The following CTNNA3 variants were observed in gnomAD, a reference collection of about 807,000 sequenced individuals.
CTNNA3 encodes the protein catenin alpha-3.
CTNNA3 carries 76 observed loss-of-function variants against 95.7 expected under a neutral mutation model. That is an observed-to-expected ratio of 0.79 (90% CI 0.66 to 0.96). The LOEUF (loss-of-function observed/expected upper bound fraction) is 0.96. Ranked by LOEUF, CTNNA3 falls within the 40% of genes least tolerant of loss-of-function variation. The pLI, the probability that CTNNA3 is intolerant of heterozygous loss-of-function variation, is 0.00. For missense variants in CTNNA3, 1,191 were observed against 1,089.8 expected (o/e 1.09, Z -1.31); for synonymous variants, 431 against 374.4 (o/e 1.15, Z -1.74).
At chr10:67,038,815 A>T (rs565129104) in intron 7 of CTNNA3, among the ~76,000 whole-genome samples, 118 of 152,208 alleles carry the variant, frequency 7.8e-4, no homozygotes, top group Middle Eastern at 3.4e-3. Context: ...TAAAATCTTT[A>T]AAAGTAAATG....
intron 12 of CTNNA3, among the ~76,000 whole-genome samples, chr10:66,354,786 C>T (rs907210563): frequency 6.6e-5 from 10 of 151,968 alleles, no homozygotes; most frequent in African/African-American, 2.4e-4. Context: ...ACTGTGAGCT[C>T]CTGAAGAATA....
chr10:66,665,489 CTTT>C (rs1489510788), intron 9 of CTNNA3, among the ~76,000 whole-genome samples: 5 of 152,124 alleles, frequency 3.3e-5, no homozygotes, highest in Non-Finnish European at 5.9e-5. Flanking sequence ...TCTTTGTATT[CTTT>C]TTTATTTCAG....
At chr10:66,031,861 A>C (rs2079454837) in intron 15 of CTNNA3, among the ~76,000 whole-genome samples, 1 of 152,206 alleles carries the variant, frequency 6.6e-6, no homozygotes, top group Non-Finnish European at 1.5e-5. Flanking sequence ...ACAAATTAGG[A>C]GTCCAGATGA....
At chr10:66,377,204 T>C (rs1156632723) in intron 12 of CTNNA3, among the ~76,000 whole-genome samples, 1 of 152,118 alleles carries the variant, frequency 6.6e-6, no homozygotes, top group Non-Finnish European at 1.5e-5. Flanking sequence ...TGGGACATCA[T>C]AAACTATACC....
At chr10:66,571,147 T>C (rs1377618596) in intron 10 of CTNNA3, among the ~76,000 whole-genome samples, 1 of 152,210 alleles carries the variant, frequency 6.6e-6, no homozygotes, top group Non-Finnish European at 1.5e-5. Flanking sequence ...CTTTCCATTA[T>C]TTCTAGACGG....
At chr10:66,543,907 GTGTGTATATATATATA>G (rs771140573) in intron 10 of CTNNA3, among the ~76,000 whole-genome samples, 4,298 of 28,986 alleles carry the variant, frequency 0.15, 150 homozygotes, top group Non-Finnish European at 0.19. Context: ...AGATGTGTGT[GTGTGTATATATATATA>G]TATATATATA....
At chr10:66,896,388 G>T (rs1408243578) in intron 7 of CTNNA3, among the ~76,000 whole-genome samples, 1 of 152,088 alleles carries the variant, frequency 6.6e-6, no homozygotes, top group Non-Finnish European at 1.5e-5. Context: ...TAGGGGGTGT[G>T]GTTAGCCAGA....
intron 3 of CTNNA3, among the ~76,000 whole-genome samples, chr10:67,564,589 A>G (rs2133270098): frequency 7.0e-6 from 1 of 142,906 alleles, no homozygotes; most frequent in Non-Finnish European, 1.5e-5. Flanking sequence ...ACATGCATAC[A>G]TATGTAACAA....
intron 1 of CTNNA3, among the ~76,000 whole-genome samples, chr10:67,755,764 T>C (rs1841429165): frequency 7.3e-6 from 1 of 137,154 alleles, no homozygotes; most frequent in Non-Finnish European, 1.5e-5. Flanking sequence ...ATCACACCAT[T>C]GCACTCCAGC....
At chr10:66,161,496 TG>T (rs2084842365) in intron 13 of CTNNA3, among the ~76,000 whole-genome samples, 1 of 152,214 alleles carries the variant, frequency 6.6e-6, no homozygotes, top group Non-Finnish European at 1.5e-5. Context: ...GGCTGATAAT[TG>T]TTTTGTTCAA....
At chr10:66,654,765 C>A (rs1282250555) in intron 9 of CTNNA3, among the ~76,000 whole-genome samples, 1 of 151,868 alleles carries the variant, frequency 6.6e-6, no homozygotes, top group African/African-American at 2.4e-5. Flanking sequence ...AATAAAATAC[C>A]ATTTGGTCTT....
Position 66,042,743 on chromosome 10 carries a change from T to TA in CTNNA3, c.2159+26564dup, listed in dbSNP as rs200423432. 2.4e-3 allele frequency among the ~76,000 whole-genome samples: 360 copies of TA among 149,946 alleles called. 5 individuals carry two copies. The highest frequency in any genetic ancestry group is 8.5e-3 in the African/African-American group (346 of 40,796). Reference sequence around the variant, plus strand: ...GGTGAAATCTTGTCTCTAGTAGAAATAAAAAAATTAGCCAGGTGTGGTGGT... The same window carrying TA: ...GGTGAAATCTTGTCTCTAGTAGAAATAAAAAAAATTAGCCAGGTGTGGTGGT... On this transcript the variant is annotated intron_variant, in intron 15 of 17. Coordinates refer to ENST00000433211, the MANE Select transcript of CTNNA3 (RefSeq NM_013266.4).
intron 7 of CTNNA3, among the ~76,000 whole-genome samples, chr10:67,158,926 G>C (rs1273817699): frequency 6.6e-6 from 1 of 151,688 alleles, no homozygotes; most frequent in Non-Finnish European, 1.5e-5. Context: ...GGAAGAGAGA[G>C]ACCCTCTCAT....
intron 6 of CTNNA3, among the ~76,000 whole-genome samples, chr10:67,217,404 C>G (rs1864424141): frequency 6.6e-6 from 1 of 152,154 alleles, no homozygotes; most frequent in Non-Finnish European, 1.5e-5. Flanking sequence ...CTAGTTTGTG[C>G]ATCTGTACCT....
chr10:66,251,039 AT>A (rs1160202123), intron 13 of CTNNA3, among the ~76,000 whole-genome samples: 1 of 152,108 alleles, frequency 6.6e-6, no homozygotes, highest in Non-Finnish European at 1.5e-5. Flanking sequence ...ATGAGAGGTG[AT>A]TCCTGCTCCA....
intron 5 of CTNNA3, among the ~76,000 whole-genome samples, chr10:67,515,142 T>C (rs927328996): frequency 6.6e-6 from 1 of 152,234 alleles, no homozygotes; most frequent in African/African-American, 2.4e-5. Flanking sequence ...TCATCATTCA[T>C]TTTAAAATAA....
At chr10:66,229,299 A>T (rs2132004325) in intron 13 of CTNNA3, among the ~76,000 whole-genome samples, 1 of 152,194 alleles carries the variant, frequency 6.6e-6, no homozygotes, top group Middle Eastern at 3.4e-3. Flanking sequence ...TTACTTGTGC[A>T]TCTGCTGTAC....
At chr10:66,022,146 C>CGTA (rs2079232369) in intron 15 of CTNNA3, among the ~76,000 whole-genome samples, 1 of 152,074 alleles carries the variant, frequency 6.6e-6, no homozygotes, top group Non-Finnish European at 1.5e-5. Context: ...GCTTGAGCCA[C>CGTA]CATGCCCAGC....
chr10:67,464,378 A>G (rs1378255216), intron 5 of CTNNA3, among the ~76,000 whole-genome samples: 5 of 152,156 alleles, frequency 3.3e-5, no homozygotes, highest in African/African-American at 9.7e-5. Flanking sequence ...TTAGATCCCA[A>G]TTATCTTTCT....
Sources: gnomAD v4.1 joint callset for allele counts (sites outside exome capture counted in the v4.1 genomes callset) on GRCh38, gnomAD v4.1.1 for gene constraint, MANE v1.5 for transcripts, NCBI Gene and HGNC (gene_info 2026-07-23, HGNC 2026-07-21) for gene names.